The following PIK3C2G variants were observed in gnomAD, a reference collection of about 807,000 sequenced individuals.
PIK3C2G encodes the protein phosphatidylinositol 3-kinase C2 domain-containing subunit gamma.
A neutral mutation model predicts 181.1 loss-of-function variants in PIK3C2G; 168 were observed. That is an observed-to-expected ratio of 0.93 (90% confidence interval 0.82 to 1.05). The LOEUF (loss-of-function observed/expected upper bound fraction) is 1.05. PIK3C2G is among the 50% of genes least tolerant of loss of function. The probability of loss-of-function intolerance (pLI) is 0.00; values close to 1 mark genes in which losing one functional copy is unlikely to be tolerated. For missense variants in PIK3C2G, 1,869 were observed against 1,732.8 expected, an observed-to-expected ratio of 1.08 and a Z score of -1.40; for synonymous variants, 573 against 592.2, an observed-to-expected ratio of 0.97 and a Z score of 0.47.
chr12:18,377,152 C>T (rs1565653163), intron 13 of PIK3C2G, among the ~76,000 whole-genome samples: 9 of 152,044 alleles, frequency 5.9e-5, no homozygotes, highest in Admixed American at 5.9e-4. Context: ...GATTCTTTGG[C>T]TCCAGGATGC....
At chr12:18,684,077 A>G in the PIK3C2G span, 1 of 1,589,296 alleles carries the variant, frequency 6.3e-7, no homozygotes, top group South Asian at 1.1e-5. Context: ...TCTTTGATAT[A>G]CACAAGTTAT....
At chr12:18,613,874 A>C (rs967161979) in intron 31 of PIK3C2G, among the ~76,000 whole-genome samples, 1 of 152,080 alleles carries the variant, frequency 6.6e-6, no homozygotes, top group African/African-American at 2.4e-5. Flanking sequence ...GGTGCCTTTG[A>C]TGTAGAACAA....
At chr12:18,362,911 G>C in intron 12 of PIK3C2G, 25 bp downstream of exon 12, 1 of 1,441,648 alleles carries the variant, frequency 6.9e-7, no homozygotes, top group Non-Finnish European at 9.1e-7. Flanking sequence ...TACTGTATCT[G>C]GATCATTTAT....
Position 18,314,186 on chromosome 12 carries a change from T to C in PIK3C2G, c.1137+122T>C. 8.5e-6 allele frequency: 5 copies of C among 588,108 alleles called. No individual in the cohort carries two copies. The South Asian group carries it at 9.3e-5, about 11-fold the overall frequency. 36.4% of individuals were successfully genotyped at this position (588,108 alleles called of 1,614,324 possible). On this transcript the variant is annotated intron_variant, in intron 6 of 32. Coordinates refer to ENST00000538779, the MANE Select transcript of PIK3C2G (RefSeq NM_001288772.2). ...CTTAATTAATACATGTTTATTTAAA[T>C]ATATTCATTGAAACATGATGAAATA... is the stretch of plus-strand genomic sequence containing the variant.
intron 18 of PIK3C2G, among the ~76,000 whole-genome samples, chr12:18,436,724 T>C (rs1160611165): frequency 1.3e-5 from 2 of 152,006 alleles, no homozygotes; most frequent in Non-Finnish European, 2.9e-5. Context: ...TATTTTTCTC[T>C]TTTAAAAAAA....
intron 4 of PIK3C2G, among the ~76,000 whole-genome samples, chr12:18,291,290 T>TA (rs1949682630): frequency 6.6e-6 from 1 of 152,202 alleles, no homozygotes; most frequent in African/African-American, 2.4e-5. Context: ...TTTAATATAT[T>TA]AAAAAATGAA....
chr12:18,449,046 T>G (rs1947189500), intron 18 of PIK3C2G, among the ~76,000 whole-genome samples: 1 of 151,974 alleles, frequency 6.6e-6, no homozygotes, highest in South Asian at 2.1e-4. Context: ...TATTTTTAAT[T>G]TTTTGAGAAA....
At chr12:18,333,723 C>T (rs773499429) in intron 8 of PIK3C2G, among the ~76,000 whole-genome samples, 1 of 152,100 alleles carries the variant, frequency 6.6e-6, no homozygotes, top group Non-Finnish European at 1.5e-5. Flanking sequence ...CTGGAATGAA[C>T]GGCATTCTAA....
At chr12:18,494,128 C>A (rs1355038134) in intron 20 of PIK3C2G, among the ~76,000 whole-genome samples, 3 of 152,146 alleles carry the variant, frequency 2.0e-5, no homozygotes, top group Non-Finnish European at 4.4e-5. Flanking sequence ...TCTTATTATA[C>A]CATCTCCATA....
At chr12:18,355,259 G>A (rs1300474834) in intron 11 of PIK3C2G, among the ~76,000 whole-genome samples, 2 of 152,098 alleles carry the variant, frequency 1.3e-5, no homozygotes, top group Non-Finnish European at 2.9e-5. Flanking sequence ...ATCCCAAATG[G>A]GCCCTGCCAA....
intron 24 of PIK3C2G, among the ~76,000 whole-genome samples, chr12:18,509,716 G>A (rs1461849879): frequency 6.6e-6 from 1 of 152,172 alleles, no homozygotes; most frequent in Non-Finnish European, 1.5e-5. Context: ...AAACTTCTAA[G>A]AGAGAAAAAT....
chr12:18,557,828 G>A (rs149584573), intron 26 of PIK3C2G, among the ~76,000 whole-genome samples: 223 of 152,154 alleles, frequency 1.5e-3, no homozygotes, highest in Non-Finnish European at 2.6e-3. Context: ...CCAAACCAAA[G>A]AATAACTCCA....
chr12:18,538,264 T>C lies in PIK3C2G; in HGVS notation c.3432T>C (p.Tyr1144=). Residue 1144 remains tyrosine, a synonymous_variant, in exon 25 of 33, where the codon TAT becomes TAC. Transcript: ENST00000538779. ...QDFVELCCRA[Y]NIIRKHSQLL... ...TTGTGGAACTTTGCTGTCGTGCTTA[T>C]AATATTATCAGAAAGCACAGCCAAC... The C allele has an allele frequency of 6.2e-7, 1 of 1,611,992 alleles. No individual in the cohort carries two copies. The highest frequency in any genetic ancestry group is 8.5e-7 in the Non-Finnish European group (1 of 1,178,962).
intron 29 of PIK3C2G, among the ~76,000 whole-genome samples, chr12:18,591,877 A>T (rs996859417): frequency 4.6e-5 from 7 of 151,880 alleles, no homozygotes; most frequent in African/African-American, 1.7e-4. Context: ...TGATGTTGGA[A>T]CTAGATGATA....
intron 18 of PIK3C2G, among the ~76,000 whole-genome samples, chr12:18,446,896 G>A (rs1159775106): frequency 6.6e-6 from 1 of 151,904 alleles, no homozygotes; most frequent in South Asian, 2.1e-4. Flanking sequence ...AAATTTGATT[G>A]CTAGGCATCT....
At chr12:18,459,576 A>G (rs1947809222) in intron 18 of PIK3C2G, among the ~76,000 whole-genome samples, 2 of 152,228 alleles carry the variant, frequency 1.3e-5, no homozygotes. Context: ...GGAACAATTA[A>G]ATTCAAATTC....
intron 24 of PIK3C2G, among the ~76,000 whole-genome samples, chr12:18,535,568 TA>T (rs1403721007): frequency 6.6e-6 from 1 of 152,060 alleles, no homozygotes; most frequent in Non-Finnish European, 1.5e-5. Flanking sequence ...TGATCCATCA[TA>T]ATTCTCCTTA....
chr12:18,349,597 A>G (rs1004141352), intron 11 of PIK3C2G, among the ~76,000 whole-genome samples: 2 of 152,146 alleles, frequency 1.3e-5, no homozygotes, highest in African/African-American at 4.8e-5. Flanking sequence ...CTGATTAAGA[A>G]CTCATTCATA....
intron 31 of PIK3C2G, among the ~76,000 whole-genome samples, chr12:18,627,413 T>C (rs1327032295): frequency 6.6e-6 from 1 of 152,138 alleles, no homozygotes; most frequent in East Asian, 1.9e-4. Flanking sequence ...TTTTGGTTTC[T>C]TTTTGAGATG....
Sources: allele counts gnomAD v4.1 joint callset (sites outside exome capture counted in the v4.1 genomes callset), GRCh38; gene constraint gnomAD v4.1.1; transcripts MANE v1.5; gene names NCBI Gene and HGNC (gene_info 2026-07-23, HGNC 2026-07-21).